SNAP29: variants seen among roughly 807,000 people sequenced by gnomAD.
SNAP29 encodes synaptosome associated protein 29, also known as synaptosomal-associated protein 29.
A neutral mutation model predicts 27.9 loss-of-function variants in SNAP29; 13 were observed. The ratio of observed to expected loss-of-function variants is 0.47; its 90% CI spans 0.30 to 0.74. The LOEUF (loss-of-function observed/expected upper bound fraction) is 0.74. Ranked by LOEUF, SNAP29 falls within the 30% of genes least tolerant of loss-of-function variation. The pLI, the probability that SNAP29 is intolerant of heterozygous loss-of-function variation, is 0.06. For missense variants in SNAP29, 368 were observed against 336.5 expected (o/e 1.09, Z -0.73); for synonymous variants, 119 against 127.1 (o/e 0.94, Z 0.43).
intron 1 of SNAP29, among the ~76,000 whole-genome samples, chr22:20,861,176 G>A (rs1265114734): frequency 1.4e-5 from 2 of 138,962 alleles, no homozygotes; most frequent in Non-Finnish European, 3.0e-5. Context: ...GGAGTGCAGT[G>A]GCACCAACTT....
Position 20,891,198 on chromosome 22 carries a change from ATG to A in SNAP29, c.*3364_*3365del, listed in dbSNP as rs1929146589. On this transcript the variant is annotated 3_prime_UTR_variant, in exon 5 of 5. Transcript: ENST00000215730. Reference sequence around the variant, plus strand: ...TTAACTCGGGTTGCAAGAAATAAAAATGTCAGTGCATTTAAATTTCTCTTTAA... The same window carrying A: ...TTAACTCGGGTTGCAAGAAATAAAAATCAGTGCATTTAAATTTCTCTTTAA... The A allele has an allele frequency of 6.6e-6, 1 of 152,236 alleles. No individual in the cohort carries two copies. The highest frequency in any genetic ancestry group is 2.4e-5 in the African/African-American group (1 of 41,464). 9.4% of individuals were successfully genotyped at this position (152,236 alleles called of 1,614,324 possible).
At chr22:20,881,199 T>C in intron 3 of SNAP29, 65 bp downstream of exon 3, 1 of 1,208,246 alleles carries the variant, frequency 8.3e-7, no homozygotes, top group Non-Finnish European at 1.2e-6. Context: ...GGTTTGGCGT[T>C]GGTCCTTGGG....
chr22:20,884,046 C>T (rs1461285700), intron 4 of SNAP29, among the ~76,000 whole-genome samples: 1 of 152,144 alleles, frequency 6.6e-6, no homozygotes, highest in Admixed American at 6.5e-5. Flanking sequence ...GAAGGGTGTG[C>T]AGGGGGCCGG....
chr22:20,876,466 C>T (rs1308010683), intron 2 of SNAP29, among the ~76,000 whole-genome samples: 1 of 151,606 alleles, frequency 6.6e-6, no homozygotes. Flanking sequence ...CTTTGTCTCC[C>T]AGGCTGATCT....
At chr22:20,866,148 A>G (rs1281920871) in intron 1 of SNAP29, among the ~76,000 whole-genome samples, 1 of 152,246 alleles carries the variant, frequency 6.6e-6, no homozygotes, top group African/African-American at 2.4e-5. Context: ...AGAGCTGCTG[A>G]GCTAGCCTTT....
rs576690959 is a variant in SNAP29 at position 20,881,989 on chromosome 22, G to A, written c.520+855G>A. Among the ~76,000 whole-genome samples, 5 of 152,208 alleles carry A rather than the reference G, an allele frequency of 3.3e-5. 1 individual carries two copies. The East Asian group carries it at 9.7e-4, about 29-fold the overall frequency. On this transcript the variant is annotated intron_variant, in intron 3 of 4. Transcript: ENST00000215730. Reference sequence around the variant, plus strand: ...GTCATCACAAAGGTCCCTTTTAAGTGGAAAGAGAAGCAGGAGAGAGAGCAG... The same window carrying A: ...GTCATCACAAAGGTCCCTTTTAAGTAGAAAGAGAAGCAGGAGAGAGAGCAG...
chr22:20,870,305 G>A (rs1183979050), intron 1 of SNAP29, 32 bp from the exon 2 acceptor site: 3 of 1,609,468 alleles, frequency 1.9e-6, no homozygotes, highest in African/African-American at 2.7e-5. Context: ...GTCACAGAAA[G>A]CTATAATGCC....
chr22:20,891,181 G>A lies in SNAP29; in HGVS notation c.*3345G>A, dbSNP rs2147877064. On this transcript the variant is annotated 3_prime_UTR_variant, in exon 5 of 5. Transcript: ENST00000215730. ...GGAAATGAAACGTGAATTTAACTCG[G>A]GTTGCAAGAAATAAAAATGTCAGTG... 6.6e-6 allele frequency: 1 copy of A among 152,114 alleles called. No individual in the cohort carries two copies. Among genetic ancestry groups the A allele is most frequent in the South Asian group, 2.1e-4 (1 of 4,816 alleles). The allele number at this position is 152,114 out of a possible 1,614,324, so 9.4% of individuals were successfully genotyped here. A position where few individuals can be genotyped will look rare whatever the true frequency, so the allele number is the denominator to read the frequency against.
chr22:20,860,722 C>G (rs1021844470), intron 1 of SNAP29, among the ~76,000 whole-genome samples: 2 of 151,928 alleles, frequency 1.3e-5, no homozygotes, highest in African/African-American at 4.8e-5. Context: ...GCTAATGAAA[C>G]AGTTTTGTTT....
At chr22:20,869,196 G>A (rs1414741138) in intron 1 of SNAP29, among the ~76,000 whole-genome samples, 1 of 152,174 alleles carries the variant, frequency 6.6e-6, no homozygotes, top group Non-Finnish European at 1.5e-5. Flanking sequence ...GGAGGCAGAA[G>A]TTGCAGTGAG....
chr22:20,875,714 T>A (rs1928723755), intron 2 of SNAP29, among the ~76,000 whole-genome samples: 1 of 152,152 alleles, frequency 6.6e-6, no homozygotes, highest in African/African-American at 2.4e-5. Flanking sequence ...CAACATTTTA[T>A]AAGGCCAAGG....
chr22:20,859,543 T>C, intron 1 of SNAP29, 196 bp downstream of exon 1: 1 of 603,024 alleles, frequency 1.7e-6, no homozygotes, highest in East Asian at 2.8e-5. Context: ...AAGAGGGCAG[T>C]TTACCCCAGA....
In SNAP29 at chr22:20,865,422, C is replaced by T. The variant is rs80068797; in HGVS notation, c.238-4915C>T. On this transcript the variant is annotated intron_variant, in intron 1 of 4. Transcript: ENST00000215730. ...CTGGCTTGTTGGCTGTAACAGGATG[C>T]CTTCTGAGGATGGGCTGGTTGTTCG... Among the ~76,000 whole-genome samples, 1,417 of 152,134 alleles carry T rather than the reference C, an allele frequency of 9.3e-3. 6 individuals are homozygous for T. The highest frequency in any genetic ancestry group is 0.015 in the Non-Finnish European group (1,006 of 68,006).
intron 1 of SNAP29, among the ~76,000 whole-genome samples, chr22:20,861,334 G>A (rs931839654): frequency 6.6e-5 from 10 of 151,728 alleles, no homozygotes; most frequent in African/African-American, 9.7e-5. Flanking sequence ...GGATGGTCTC[G>A]ATCTCTTGAC....
At chr22:20,885,635 G>A (rs748672863) in intron 4 of SNAP29, among the ~76,000 whole-genome samples, 35 of 152,338 alleles carry the variant, frequency 2.3e-4, no homozygotes, top group Admixed American at 7.2e-4. Context: ...TGCATTCAGA[G>A]GCAGGAAGAA....
Position 20,890,758 on chromosome 22 carries a change from CAAAAAAAA to C in SNAP29, c.*2937_*2944del, listed in dbSNP as rs361606. The C allele has an allele frequency of 0.3, 26,606 of 88,776 alleles. 3,725 individuals are homozygous for C. Among genetic ancestry groups the C allele is most frequent in the Non-Finnish European group, 0.37 (18,843 of 50,896 alleles). 5.5% of individuals were successfully genotyped at this position (88,776 alleles called of 1,614,324 possible). A position where few individuals can be genotyped will look rare whatever the true frequency, so the allele number is the denominator to read the frequency against. ...TGGGCAACAGAGCAAGACTCCGTCTCAAAAAAAAAAAAAAAAAAAAAATAGTGCACTCT... is the reference window on the plus strand; with the variant it reads ...TGGGCAACAGAGCAAGACTCCGTCTCAAAAAAAAAAAAAATAGTGCACTCT... On this transcript the variant is annotated 3_prime_UTR_variant, in exon 5 of 5. Coordinates refer to ENST00000215730, the MANE Select transcript of SNAP29 (RefSeq NM_004782.4).
intron 2 of SNAP29, 84 bp from the exon 3 acceptor site, chr22:20,880,965 G>A: frequency 1.1e-6 from 1 of 870,150 alleles, no homozygotes; most frequent in East Asian, 2.6e-5. Flanking sequence ...TTAGCACACA[G>A]GCATTATGTG....
At chr22:20,868,815 G>A (rs1050388794) in intron 1 of SNAP29, among the ~76,000 whole-genome samples, 3 of 152,166 alleles carry the variant, frequency 2.0e-5, no homozygotes, top group East Asian at 1.9e-4. Context: ...CAAGTTTGTC[G>A]TAAATAAAGG....
chr22:20,877,608 C>T (rs1444510094), intron 2 of SNAP29, among the ~76,000 whole-genome samples: 2 of 151,758 alleles, frequency 1.3e-5, no homozygotes, highest in African/African-American at 2.4e-5. Flanking sequence ...CCCAGCTACT[C>T]AGGAGGCTGA....
Sources: gnomAD v4.1 joint callset for allele counts (sites outside exome capture counted in the v4.1 genomes callset) on GRCh38, gnomAD v4.1.1 for gene constraint, MANE v1.5 for transcripts, NCBI Gene and HGNC (gene_info 2026-07-23, HGNC 2026-07-21) for gene names.